DGKB: variants seen among roughly 807,000 people sequenced by gnomAD.
The protein encoded by DGKB is diacylglycerol kinase beta.
DGKB carries 67 observed loss-of-function variants against 114.3 expected under a neutral mutation model. The observed-to-expected ratio is 0.59, with a 90% confidence interval of 0.48 to 0.72. The LOEUF (loss-of-function observed/expected upper bound fraction) is 0.72, where lower values mean the gene tolerates loss of function less well. Among genes scored for constraint, DGKB ranks in the 30% least tolerant of loss-of-function variants. DGKB has a pLI of 0.00. For synonymous variants in DGKB, 398 were observed against 323.1 expected (o/e 1.23, Z -2.49); for missense variants, 907 against 975.2 (o/e 0.93, Z 0.93).
At chr7:14,854,507 C>T (rs190447454) in intron 1 of DGKB, among the ~76,000 whole-genome samples, 231 of 152,282 alleles carry the variant, frequency 1.5e-3, no homozygotes, top group African/African-American at 4.2e-3. Flanking sequence ...CACCTCAGAT[C>T]ATCAGGCATT....
chr7:14,566,122 C>A (rs1797349930), intron 20 of DGKB, among the ~76,000 whole-genome samples: 1 of 150,972 alleles, frequency 6.6e-6, no homozygotes, highest in African/African-American at 2.4e-5. Context: ...TAAAAAGAAT[C>A]ATTTTATAGA....
chr7:14,968,046 A>C (rs1204255061), intron 1 of DGKB, among the ~76,000 whole-genome samples: 5 of 152,154 alleles, frequency 3.3e-5, no homozygotes, highest in Non-Finnish European at 7.3e-5. Context: ...GAGAAATTCA[A>C]AACTGAAATA....
At chr7:14,788,823 A>G (rs1340930900) in intron 2 of DGKB, among the ~76,000 whole-genome samples, 2 of 152,130 alleles carry the variant, frequency 1.3e-5, no homozygotes, top group Admixed American at 6.6e-5. Flanking sequence ...CTACCTTCCC[A>G]ATGGCAGTCA....
chr7:14,186,318 A>T (rs1783424535), intron 23 of DGKB, among the ~76,000 whole-genome samples: 1 of 152,198 alleles, frequency 6.6e-6, no homozygotes, highest in Non-Finnish European at 1.5e-5. Flanking sequence ...CTGCTATACC[A>T]CCTTATTCCT....
rs190038751 is a variant in DGKB, at chr7:14,428,272, C to G, written c.1835+49889G>C. Among the ~76,000 whole-genome samples the G allele has an allele frequency of 2.9e-4, 44 of 152,054 alleles. 1 individual carries two copies. The South Asian group carries it at 3.7e-3, about 13-fold the overall frequency. ...GTTCTGTTCTCTGAGCCCCTTATTACTCTCATCAGTGACTTTTTACTGCTT... is the reference window on the plus strand; with the variant it reads ...GTTCTGTTCTCTGAGCCCCTTATTAGTCTCATCAGTGACTTTTTACTGCTT... On this transcript the variant is annotated intron_variant, in intron 21 of 25. Coordinates refer to ENST00000402815, the MANE Select transcript of DGKB (RefSeq NM_001350709.2).
At chr7:14,874,665 A>G (rs1412643516) in intron 1 of DGKB, among the ~76,000 whole-genome samples, 1 of 152,106 alleles carries the variant, frequency 6.6e-6, no homozygotes, top group East Asian at 1.9e-4. Context: ...ATAATAAAAG[A>G]AGTGGGGGAA....
At chr7:14,384,549 A>G (rs1365891631) in intron 21 of DGKB, among the ~76,000 whole-genome samples, 2 of 152,340 alleles carry the variant, frequency 1.3e-5, no homozygotes, top group East Asian at 3.9e-4. Context: ...TGACACAATG[A>G]ATTTCCCTCA....
At chr7:14,845,839 AAAG>A (rs1848555467) in intron 1 of DGKB, among the ~76,000 whole-genome samples, 1 of 152,076 alleles carries the variant, frequency 6.6e-6, no homozygotes, top group South Asian at 2.1e-4. Flanking sequence ...AAAAAAAAAA[AAAG>A]AAGTGCACTT....
At chr7:14,279,402 C>CAG (rs1799546814) in intron 23 of DGKB, among the ~76,000 whole-genome samples, 2 of 152,156 alleles carry the variant, frequency 1.3e-5, no homozygotes, top group African/African-American at 2.4e-5. Context: ...GGCCTGCCTG[C>CAG]CTCTGTAGGC....
At chr7:14,353,889 C>A (rs1019770325) in intron 21 of DGKB, among the ~76,000 whole-genome samples, 6 of 152,112 alleles carry the variant, frequency 3.9e-5, no homozygotes, top group Admixed American at 6.6e-5. Context: ...GACTTGCTGT[C>A]CCCCTAAATT....
At chr7:14,822,845 G>T (rs1845132882) in intron 2 of DGKB, among the ~76,000 whole-genome samples, 1 of 151,974 alleles carries the variant, frequency 6.6e-6, no homozygotes, top group Admixed American at 6.6e-5. Context: ...GCAAATTAAA[G>T]ACTTGAACTT....
chr7:14,902,022 C>A (rs1783165839), intron 1 of DGKB, among the ~76,000 whole-genome samples: 1 of 152,072 alleles, frequency 6.6e-6, no homozygotes, highest in African/African-American at 2.4e-5. Context: ...CATGTGGCAC[C>A]CACTGAAGAG....
chr7:14,768,168 T>C (rs1276318047), intron 2 of DGKB, among the ~76,000 whole-genome samples: 1 of 151,972 alleles, frequency 6.6e-6, no homozygotes, highest in Non-Finnish European at 1.5e-5. Flanking sequence ...AAATCTTACA[T>C]TGAGAACAAA....
At chr7:14,726,176 G>C (rs1309467553) in intron 5 of DGKB, among the ~76,000 whole-genome samples, 1 of 151,976 alleles carries the variant, frequency 6.6e-6, no homozygotes, top group Non-Finnish European at 1.5e-5. Flanking sequence ...GTCTCACTCT[G>C]TCGCCCAGAC....
At chr7:14,259,007 GAAAT>G (rs1465942242) in intron 23 of DGKB, among the ~76,000 whole-genome samples, 2 of 152,072 alleles carry the variant, frequency 1.3e-5, no homozygotes, top group African/African-American at 4.8e-5. Flanking sequence ...CTTTGTCTAT[GAAAT>G]TTGTTCAATA....
chr7:14,186,532 G>T (rs955260033), intron 23 of DGKB, among the ~76,000 whole-genome samples: 1 of 152,120 alleles, frequency 6.6e-6, no homozygotes, highest in Non-Finnish European at 1.5e-5. Flanking sequence ...CTACACAAAG[G>T]AAAAGAAGTC....
intron 21 of DGKB, among the ~76,000 whole-genome samples, chr7:14,386,637 A>G (rs1820386387): frequency 6.6e-6 from 1 of 152,210 alleles, no homozygotes; most frequent in Admixed American, 6.5e-5. Context: ...CCCATAAATT[A>G]CTGCTGCCCT....
intron 23 of DGKB, chr7:14,209,513 G>A (rs940960389): frequency 2.0e-6 from 1 of 501,852 alleles, no homozygotes; most frequent in Admixed American, 2.1e-5. Context: ...ATATTCAGGA[G>A]GTCATATGCA....
chr7:14,703,031 GGT>G lies in DGKB; in HGVS notation c.467-1303_467-1302del, dbSNP rs368568594. Reference sequence around the variant, plus strand: ...CTTAAATATCTGTATTGTAAATCATGGTAATGATTCCTTCTCATACAGTCAAT... The same window carrying G: ...CTTAAATATCTGTATTGTAAATCATGAATGATTCCTTCTCATACAGTCAAT... On this transcript the variant is annotated intron_variant, in intron 6 of 25. Transcript: ENST00000402815. Among the ~76,000 whole-genome samples the G allele has an allele frequency of 5.4e-4, 76 of 141,242 alleles. 2 individuals are homozygous for G. The East Asian group carries it at 0.015, about 29-fold the overall frequency. 92.7% of individuals were successfully genotyped at this position (141,242 alleles called of 152,430 possible).
Sources: allele counts gnomAD v4.1 joint callset (sites outside exome capture counted in the v4.1 genomes callset), GRCh38; gene constraint gnomAD v4.1.1; transcripts MANE v1.5; gene names NCBI Gene and HGNC (gene_info 2026-07-23, HGNC 2026-07-21).